ATP2A1: variants seen among roughly 807,000 people sequenced by gnomAD.
ATP2A1 encodes the protein ATPase sarcoplasmic/endoplasmic reticulum Ca2+ transporting 1.
A neutral mutation model predicts 109.5 loss-of-function variants in ATP2A1; 83 were observed. The ratio of observed to expected loss-of-function variants is 0.76; its 90% confidence interval spans 0.63 to 0.91. The LOEUF (loss-of-function observed/expected upper bound fraction) is 0.91, where lower values mean the gene tolerates loss of function less well. Ranked by LOEUF, ATP2A1 falls within the 40% of genes least tolerant of loss-of-function variation. ATP2A1 has a pLI of 0.00. For missense variants in ATP2A1, 1,101 were observed against 1,341.0 expected (o/e 0.82, Z 2.80); for synonymous variants, 505 against 537.6 (o/e 0.94, Z 0.84).
Position 28,902,915 on chromosome 16 carries a change from G to A in ATP2A1, c.2744+4G>A, listed in dbSNP as rs750019298. 32 of 1,613,632 alleles carry A rather than the reference G, an allele frequency of 2.0e-5. No individual in the cohort carries two copies. The highest frequency in any genetic ancestry group is 2.6e-5 in the Non-Finnish European group (31 of 1,179,876). ...AGATGTGCAATGCACTGAACAGGTG[G>A]GGGCCCCCCAGCTACACCCACCACC... On this transcript the variant is annotated splice_donor_region_variant and intron_variant, in intron 19 of 22. Transcript: ENST00000395503. The surrounding 1 kb of genome is among the most constrained non-coding windows in gnomAD (Gnocchi z 4.8).
Position 28,894,785 on chromosome 16 carries a change from G to C in ATP2A1, c.1288-37G>C, listed in dbSNP as rs989319125. ...GGAGGGTATGACAGGTAGGAGCCTG[G>C]GGCACCGACTTCCTCTTCCTCCTCT... On this transcript the variant is annotated intron_variant, in intron 11 of 22. Transcript: ENST00000395503. 4 of 1,609,510 alleles carry C rather than the reference G, an allele frequency of 2.5e-6. No homozygotes were observed. The African/African-American group carries it at 4.0e-5, about 16-fold the overall frequency.
rs749315977 is a variant in ATP2A1 at position 28,902,411 on chromosome 16, CT to C, written c.2524+26del. 6.2e-7 allele frequency: 1 copy of C among 1,611,964 alleles called. No homozygotes were observed. Among genetic ancestry groups the C allele is most frequent in the South Asian group, 1.1e-5 (1 of 90,978 alleles). On this transcript the variant is annotated intron_variant, in intron 17 of 22. Transcript: ENST00000395503. This position sits in a 1 kb window ranked among gnomAD's most constrained non-coding sequence, Gnocchi z 4.8. ...GGTGAGCTGGAGGGGTTCCTCGATC[CT>C]CCCCACCCCTTGGGACTAACCCCCT...
At position 28,902,292 on chromosome 16, in the gene ATP2A1, C is replaced by T. The variant is rs1262311738; in HGVS notation, c.2430C>T (p.Asn810=). Residue 810 remains asparagine, a synonymous_variant, in exon 17 of 23, where the codon AAC becomes AAT. Transcript: ENST00000395503. This position sits in a 1 kb window ranked among gnomAD's most constrained non-coding sequence, Gnocchi z 4.8. The part of the protein sequence containing the change: ...DGLPATALGF[N]PPDLDIMDRP... Reference sequence around the variant, plus strand: ...TCCCAGCCACAGCCCTGGGCTTCAACCCACCAGACCTGGACATCATGGACC... The same window carrying T: ...TCCCAGCCACAGCCCTGGGCTTCAATCCACCAGACCTGGACATCATGGACC... The T allele has an allele frequency of 3.7e-6, 6 of 1,614,056 alleles. No homozygotes were observed. Among genetic ancestry groups the T allele is most frequent in the Middle Eastern group, 1.6e-4 (1 of 6,084 alleles).
intron 5 of ATP2A1, 112 bp downstream of exon 5, chr16:28,882,701 G>C: frequency 4.7e-6 from 7 of 1,502,594 alleles, no homozygotes; most frequent in Non-Finnish European, 6.3e-6. Context: ...GACGGAGTCT[G>C]CTTCTCTTTC....
rs1223704420 is a variant in ATP2A1, at chr16:28,898,114, A to C, written c.1534A>C (p.Met512Leu). 6.2e-7 allele frequency: 1 copy of C among 1,614,090 alleles called. No individual in the cohort carries two copies. Among genetic ancestry groups the C allele is most frequent in the East Asian group, 2.2e-5 (1 of 44,874 alleles). Residue 512 changes from methionine (M) to leucine (L), a missense_variant, in exon 13 of 23, where the codon ATG (methionine) becomes CTG (leucine). Physicochemically the swap from Met to Leu is conservative, Grantham distance 15. Coordinates refer to ENST00000395503, the MANE Select transcript of ATP2A1 (RefSeq NM_004320.6). The surrounding 1 kb of genome is among the most constrained non-coding windows in gnomAD (Gnocchi z 4.0). ...KSSRAAVGNK[M>L]FVKGAPEGVI... The stretch of plus-strand genomic sequence containing the variant: ...TTCCCGGGCTGCTGTGGGCAACAAG[A>C]TGTTTGTCAAGGTCAGAAATCGGAA...
intron 11 of ATP2A1, 51 bp from the exon 12 acceptor site, chr16:28,894,771 C>G: frequency 6.2e-7 from 1 of 1,609,144 alleles, no homozygotes. Flanking sequence ...GAGGGTATGA[C>G]AGGTAGGAGC....
chr16:28,879,689 C>A, intron 3 of ATP2A1, 106 bp downstream of exon 3: 1 of 1,316,052 alleles, frequency 7.6e-7, no homozygotes, highest in Non-Finnish European at 1.1e-6. Flanking sequence ...CCCGAGCATC[C>A]CATTGTACAG....
rs1188382765 is a variant in ATP2A1 at position 28,903,838 on chromosome 16, G to A, written c.*37+97G>A. 5.9e-6 allele frequency: 7 copies of A among 1,194,858 alleles called. No individual in the cohort carries two copies. In the Admixed American group the frequency reaches 6.8e-5, roughly 12 times the overall value. 74.0% of individuals were successfully genotyped at this position (1,194,858 alleles called of 1,614,324 possible). A position where few individuals can be genotyped will look rare whatever the true frequency, so the allele number is the denominator to read the frequency against. Reference sequence around the variant, plus strand: ...GTCGCATCCAAGGTCACTTGTGCTCGCAGCTCCACCTGGAGCCGTTGCCAC... The same window carrying A: ...GTCGCATCCAAGGTCACTTGTGCTCACAGCTCCACCTGGAGCCGTTGCCAC... On this transcript the variant is annotated intron_variant, in intron 22 of 22. Transcript: ENST00000395503. The surrounding 1 kb of genome is among the most constrained non-coding windows in gnomAD (Gnocchi z 5.6).
intron 14 of ATP2A1, 118 bp from the exon 15 acceptor site, chr16:28,900,463 T>TCCCAC: frequency 1.1e-6 from 1 of 946,158 alleles, no homozygotes; most frequent in Non-Finnish European, 1.5e-6. Context: ...GGTTCAGGCT[T>TCCCAC]CCCACCCCTC....
chr16:28,879,646 G>A, intron 3 of ATP2A1, 63 bp downstream of exon 3: 1 of 1,533,850 alleles, frequency 6.5e-7, no homozygotes, highest in Non-Finnish European at 8.9e-7. Context: ...GGCGAATGCG[G>A]GGCTCGCAGT....
intron 8 of ATP2A1, 35 bp downstream of exon 8, chr16:28,887,757 A>C (rs1452921983): frequency 6.2e-7 from 1 of 1,607,616 alleles, no homozygotes. Flanking sequence ...CCCATTTGCT[A>C]ATCCCATCTG....
rs747759395 is a variant in ATP2A1 at position 28,902,319 on chromosome 16, C to G, written c.2457C>G (p.Arg819=). The change falls in exon 17 of 23, where the codon CGC becomes CGG. Residue 819 remains arginine (R), a synonymous_variant. Transcript: ENST00000395503. The surrounding 1 kb of genome is among the most constrained non-coding windows in gnomAD (Gnocchi z 4.8). ...FNPPDLDIMD[R]PPRSPKEPLI... ...CACCAGACCTGGACATCATGGACCGCCCCCCCCGGAGCCCCAAGGAGCCCC... is the reference window on the plus strand; with the variant it reads ...CACCAGACCTGGACATCATGGACCGGCCCCCCCGGAGCCCCAAGGAGCCCC... 1.2e-6 allele frequency: 2 copies of G among 1,612,734 alleles called. No homozygotes were observed. Among genetic ancestry groups the G allele is most frequent in the South Asian group, 2.2e-5 (2 of 91,030 alleles).
rs772363145 is a variant in ATP2A1, at chr16:28,898,392, A to AC, written c.1712dup (p.Lys572GlufsTer9). The AC allele has an allele frequency of 6.8e-6, 11 of 1,613,560 alleles. No individual in the cohort carries two copies. The highest frequency in any genetic ancestry group is 4.5e-5 in the East Asian group (2 of 44,876). On this transcript the variant is annotated frameshift_variant, in exon 14 of 23. Coordinates refer to ENST00000395503, the MANE Select transcript of ATP2A1 (RefSeq NM_004320.6). LOFTEE classifies it high-confidence loss of function. This position sits in a 1 kb window ranked among gnomAD's most constrained non-coding sequence, Gnocchi z 4.0. ...CTGCTTGGCCCTGGCCACCCGGGAC[A>AC]CCCCCCCGAAGCGAGAGGAAATGGT...
intron 9 of ATP2A1, among the ~76,000 whole-genome samples, chr16:28,890,292 C>CAAAAA (rs767608802): frequency 1.3e-5 from 1 of 74,386 alleles, no homozygotes; most frequent in Non-Finnish European, 2.8e-5. Context: ...CCGTCTCTAC[C>CAAAAA]AAAAAAAAAA....
chr16:28,878,662 A>G lies in ATP2A1; in HGVS notation c.-10A>G, dbSNP rs1963347013. The G allele has an allele frequency of 1.3e-6, 2 of 1,589,686 alleles. No homozygotes were observed. Among genetic ancestry groups the G allele is most frequent in the South Asian group, 2.3e-5 (2 of 88,300 alleles). ...AACACACCGGCCCCGGCCCCCAGGAAGGGAGCACAATGGAGGCCGCTCATG... is the reference window on the plus strand; with the variant it reads ...AACACACCGGCCCCGGCCCCCAGGAGGGGAGCACAATGGAGGCCGCTCATG... On this transcript the variant is annotated 5_prime_UTR_variant, in exon 1 of 23. Coordinates refer to ENST00000395503, the MANE Select transcript of ATP2A1 (RefSeq NM_004320.6).
chr16:28,892,883 A>G (rs960247874), intron 9 of ATP2A1, among the ~76,000 whole-genome samples: 2 of 152,102 alleles, frequency 1.3e-5, no homozygotes, highest in African/African-American at 4.8e-5. Context: ...CGTCTCTACT[A>G]AAAATACAAA....
chr16:28,889,899 T>A (rs1379402230), intron 9 of ATP2A1, among the ~76,000 whole-genome samples: 4 of 152,184 alleles, frequency 2.6e-5, no homozygotes, highest in Non-Finnish European at 5.9e-5. Flanking sequence ...ATCCCAACAC[T>A]TTGGGAGGCC....
rs1019090858 is a variant in ATP2A1 at position 28,884,652 on chromosome 16, A to C, written c.541A>C (p.Thr181Pro). 6.2e-7 allele frequency: 1 copy of C among 1,613,016 alleles called. No homozygotes were observed. Among genetic ancestry groups the C allele is most frequent in the Non-Finnish European group, 8.5e-7 (1 of 1,179,790 alleles). The change falls in exon 6 of 23, where the codon ACA becomes CCA. Residue 181 changes from threonine (T) to proline (P), a missense_variant. Transcript: ENST00000395503. ...GCTGCGGGTTGACCAGTCCATCCTG[A>C]CAGGTCTGCTGGCCTGGGTGGGAAG... is the stretch of plus-strand genomic sequence containing the variant. ...TTLRVDQSILTGESVSVIKHT... is the reference protein window; with the variant it reads ...TTLRVDQSILPGESVSVIKHT...
chr16:28,879,728 T>G (rs536744428), intron 3 of ATP2A1, 145 bp downstream of exon 3: 1 of 984,380 alleles, frequency 1.0e-6, no homozygotes, highest in African/African-American at 1.6e-5. Flanking sequence ...CAGCAGCGGG[T>G]GTGATTCGCG....
Sources: gnomAD v4.1 joint callset for allele counts (sites outside exome capture counted in the v4.1 genomes callset) on GRCh38, gnomAD v4.1.1 for gene constraint, Gnocchi (gnomAD v3.1) non-coding constraint, MANE v1.5 for transcripts, NCBI Gene and HGNC (gene_info 2026-07-23, HGNC 2026-07-21) for gene names.